The following TM7SF2 variants were observed in gnomAD, a reference collection of about 807,000 sequenced individuals.
TM7SF2 encodes transmembrane 7 superfamily member 2, also known as delta(14)-sterol reductase TM7SF2.
TM7SF2 carries 51 observed loss-of-function variants against 51.0 expected under a neutral mutation model. That is an observed-to-expected ratio of 1.00 (90% CI 0.80 to 1.26). TM7SF2 has a LOEUF of 1.26. Ranked by LOEUF, TM7SF2 falls within the 50% of genes most tolerant of loss-of-function variation. The pLI is 0.00. For synonymous variants in TM7SF2, 255 were observed against 241.0 expected, an observed-to-expected ratio of 1.06 and a Z score of -0.54; for missense variants, 541 against 547.4, an observed-to-expected ratio of 0.99 and a Z score of 0.12.
chr11:65,114,322 C>T (rs568847798), intron 5 of TM7SF2, among the ~76,000 whole-genome samples: 189 of 152,252 alleles, frequency 1.2e-3, no homozygotes, highest in African/African-American at 4.1e-3. Flanking sequence ...ACACTGAGCA[C>T]GTACCACTTG....
At chr11:65,112,418 C>T (rs1947917006) in intron 1 of TM7SF2, 97 bp from the exon 2 acceptor site, 2 of 1,318,108 alleles carry the variant, frequency 1.5e-6, no homozygotes, top group South Asian at 1.5e-5. Flanking sequence ...TCTGGGAATG[C>T]CGAGAGGGTC....
Position 65,113,243 on chromosome 11 carries a change from G to A in TM7SF2, c.328G>A (p.Ala110Thr), listed in dbSNP as rs751733076. 6.2e-7 allele frequency: 1 copy of A among 1,604,110 alleles called. No homozygotes were observed. ...AGGCTTCCAGGCCCTGGTGCTGACA[G>A]CCCTGTTGGTGGGGCTGGGGATGTC... ...INGFQALVLT[A>T]LLVGLGMSAG... The change falls in exon 4 of 10, where the codon GCC (alanine) becomes ACC (threonine). Residue 110 changes from alanine to threonine, a missense_variant. Physicochemically the swap from Ala to Thr is moderately conservative, Grantham distance 58. Coordinates refer to ENST00000279263, the MANE Select transcript of TM7SF2 (RefSeq NM_003273.6).
At chr11:65,115,118 C>G in intron 7 of TM7SF2, 37 bp downstream of exon 7, 1 of 1,606,490 alleles carries the variant, frequency 6.2e-7, no homozygotes, top group Non-Finnish European at 8.5e-7. Context: ...GGCCCATCTT[C>G]CCCCTATCCC....
Position 65,115,541 on chromosome 11 carries a change from C to T in TM7SF2, c.1039C>T (p.Arg347Cys), listed in dbSNP as rs748104845. ...LLVSGWWGMVRHPNYLGDLIM... is the reference protein window; with the variant it reads ...LLVSGWWGMVCHPNYLGDLIM... ...GGTGTCTGGGTGGTGGGGTATGGTC[C>T]GCCATCCCAACTATCTTGGAGACCT... is the stretch of plus-strand genomic sequence containing the variant. Residue 347 changes from arginine (R) to cysteine (C), a missense_variant, in exon 9 of 10, where the codon CGC becomes TGC. Coordinates refer to ENST00000279263, the MANE Select transcript of TM7SF2 (RefSeq NM_003273.6). 1.2e-5 allele frequency: 20 copies of T among 1,613,966 alleles called. No homozygotes were observed. Among genetic ancestry groups the T allele is most frequent in the African/African-American group, 4.0e-5 (3 of 74,878 alleles).
chr11:65,115,977 G>C lies in TM7SF2; in HGVS notation c.1181G>C (p.Cys394Ser), dbSNP rs753436919. 1 of 1,613,654 alleles carries C rather than the reference G, an allele frequency of 6.2e-7. No individual in the cohort carries two copies. Among genetic ancestry groups the C allele is most frequent in the African/African-American group, 1.3e-5 (1 of 75,056 alleles). ...CGTGAGGCCCGGGATGAGCGGCAGT[G>C]CCTGCAGAAGTACGGCCTGGCCTGG... is the stretch of plus-strand genomic sequence containing the variant. ...VHREARDERQ[C>S]LQKYGLAWQE... The change falls in exon 10 of 10, where the codon TGC (cysteine) becomes TCC (serine). Residue 394 changes from cysteine to serine, a missense_variant. Coordinates refer to ENST00000279263, the MANE Select transcript of TM7SF2 (RefSeq NM_003273.6).
chr11:65,113,226 A>G lies in TM7SF2; in HGVS notation c.311A>G (p.Gln104Arg). 1 of 1,598,582 alleles carries G rather than the reference A, an allele frequency of 6.3e-7. No individual in the cohort carries two copies. The highest frequency in any genetic ancestry group is 1.1e-5 in the South Asian group (1 of 90,622). Reference protein sequence around the residue: ...SRLRYPINGFQALVLTALLVG... With the variant: ...SRLRYPINGFRALVLTALLVG... Reference sequence around the variant, plus strand: ...ACTGTGCGCTGTGGTTCAGGCTTCCAGGCCCTGGTGCTGACAGCCCTGTTG... The same window carrying G: ...ACTGTGCGCTGTGGTTCAGGCTTCCGGGCCCTGGTGCTGACAGCCCTGTTG... Residue 104 changes from glutamine to arginine, a missense_variant, in exon 4 of 10, where the codon CAG (glutamine) becomes CGG (arginine). Coordinates refer to ENST00000279263, the MANE Select transcript of TM7SF2 (RefSeq NM_003273.6).
At chr11:65,114,558 C>A (rs1947951053) in intron 5 of TM7SF2, 155 bp from the exon 6 acceptor site, 1 of 899,236 alleles carries the variant, frequency 1.1e-6, no homozygotes, top group Non-Finnish European at 1.7e-6. Context: ...AGGCTGCGGG[C>A]ACCTCCCTGT....
chr11:65,112,451 G>A (rs1947917514), intron 1 of TM7SF2, 64 bp from the exon 2 acceptor site: 2 of 1,437,422 alleles, frequency 1.4e-6, no homozygotes, highest in Middle Eastern at 2.5e-4. Flanking sequence ...CAGGGCGCCC[G>A]TGCGGGCCGG....
chr11:65,113,737 G>A, intron 5 of TM7SF2, 143 bp downstream of exon 5: 1 of 738,136 alleles, frequency 1.4e-6, no homozygotes, highest in Non-Finnish European at 2.3e-6. Flanking sequence ...CAATCCACCT[G>A]TGCCTAGGTA....
intron 9 of TM7SF2, 46 bp from the exon 10 acceptor site, chr11:65,115,847 G>A (rs369504487): frequency 3.0e-5 from 49 of 1,613,584 alleles, no homozygotes; most frequent in Non-Finnish European, 4.0e-5. Context: ...GTGAACTGCG[G>A]GGTGGAGGGG....
chr11:65,115,967 G>T lies in TM7SF2; in HGVS notation c.1171G>T (p.Glu391Ter). The T allele has an allele frequency of 6.2e-7, 1 of 1,613,860 alleles. No individual in the cohort carries two copies. The highest frequency in any genetic ancestry group is 1.1e-5 in the South Asian group (1 of 91,086). Reference protein sequence around the residue: ...ALLVHREARDERQCLQKYGLA... With the variant: ...ALLVHREARD ...GCTGGTGCACCGTGAGGCCCGGGAT[G>T]AGCGGCAGTGCCTGCAGAAGTACGG... The change falls in exon 10 of 10, where the codon GAG becomes TAG. Residue 391 changes from glutamate to a stop codon, truncating the protein, a stop_gained. Coordinates refer to ENST00000279263, the MANE Select transcript of TM7SF2 (RefSeq NM_003273.6). LOFTEE classifies it high-confidence loss of function.
rs1417279560 is a variant in TM7SF2, at chr11:65,115,087, T to C, written c.892+6T>C. 2 of 1,612,506 alleles carry C rather than the reference T, an allele frequency of 1.2e-6. No individual in the cohort carries two copies. Among genetic ancestry groups the C allele is most frequent in the Non-Finnish European group, 1.7e-6 (2 of 1,179,244 alleles). On this transcript the variant is annotated splice_donor_region_variant and intron_variant, in intron 7 of 9. Transcript: ENST00000279263. ...TGTCATCTGCCTCATCAATGGTCAGTCAGGAAGGGGCAGCAGGCTGGGCCC... is the reference window on the plus strand; with the variant it reads ...TGTCATCTGCCTCATCAATGGTCAGCCAGGAAGGGGCAGCAGGCTGGGCCC...
chr11:65,111,959 C>T lies in TM7SF2; in HGVS notation c.-57C>T. 6.5e-7 allele frequency: 1 copy of T among 1,531,802 alleles called. No homozygotes were observed. The highest frequency in any genetic ancestry group is 1.2e-5 in the South Asian group (1 of 83,870). The allele number at this position is 1,531,802 out of a possible 1,614,324, so 94.9% of individuals were successfully genotyped here. A position where few individuals can be genotyped will look rare whatever the true frequency, so the allele number is the denominator to read the frequency against. ...TCCATCTCCTGGGAAATGGGGCGGA[C>T]AGTGTTTCCTTGACTGACTATTGTG... On this transcript the variant is annotated 5_prime_UTR_variant, in exon 1 of 10. Transcript: ENST00000279263.
chr11:65,113,075 TG>T, intron 3 of TM7SF2, 144 bp from the exon 4 acceptor site: 1 of 1,080,288 alleles, frequency 9.3e-7, no homozygotes, highest in Non-Finnish European at 1.3e-6. Context: ...CAGCAGTGGC[TG>T]GGGTGATCCT....
intron 1 of TM7SF2, chr11:65,112,290 G>A: frequency 1.5e-6 from 1 of 658,382 alleles, no homozygotes. Context: ...ACTGGGAGCA[G>A]GAGGAGGGTC....
intron 9 of TM7SF2, 135 bp from the exon 10 acceptor site, chr11:65,115,758 C>T (rs766297848): frequency 3.8e-6 from 6 of 1,563,624 alleles, no homozygotes; most frequent in Non-Finnish European, 5.3e-6. Flanking sequence ...AACCTAGTAC[C>T]GTGTGCTTTG....
chr11:65,114,688 C>T (rs761739440), intron 5 of TM7SF2, 25 bp from the exon 6 acceptor site: 120 of 1,610,976 alleles, frequency 7.4e-5, no homozygotes, highest in Non-Finnish European at 1.0e-4. Flanking sequence ...TCTGTGGAGA[C>T]TATTGCCTTG....
intron 9 of TM7SF2, 136 bp downstream of exon 9, chr11:65,115,734 C>G (rs1426826723): frequency 5.1e-6 from 8 of 1,573,134 alleles, no homozygotes; most frequent in Non-Finnish European, 6.1e-6. Context: ...GTGGCTGGGG[C>G]ACACCTCTGT....
chr11:65,112,613 C>T lies in TM7SF2; in HGVS notation c.151C>T (p.Leu51=), dbSNP rs1414650276. The T allele has an allele frequency of 1.3e-6, 2 of 1,519,688 alleles. No homozygotes were observed. Among genetic ancestry groups the T allele is most frequent in the Admixed American group, 2.1e-5 (1 of 47,804 alleles). The allele number at this position is 1,519,688 out of a possible 1,614,324, so 94.1% of individuals were successfully genotyped here. Residue 51 remains leucine (L), a synonymous_variant, in exon 2 of 10, where the codon CTG becomes TTG. Transcript: ENST00000279263. ...PARLLGPPAS[L]PGLEVLWSPR... Reference sequence around the variant, plus strand: ...GCGCCTGCTGGGTCCACCCGCGTCCCTGCCGGGGCTGGAGGTGCTGTGGAG... The same window carrying T: ...GCGCCTGCTGGGTCCACCCGCGTCCTTGCCGGGGCTGGAGGTGCTGTGGAG...
Sources: gnomAD v4.1 joint callset for allele counts (sites outside exome capture counted in the v4.1 genomes callset) on GRCh38, gnomAD v4.1.1 for gene constraint, MANE v1.5 for transcripts, NCBI Gene and HGNC (gene_info 2026-07-23, HGNC 2026-07-21) for gene names.